XPR1: variants seen among roughly 807,000 people sequenced by gnomAD.
XPR1 encodes solute carrier family 53 member 1.
A neutral mutation model predicts 87.5 loss-of-function variants in XPR1; 28 were observed. The ratio of observed to expected loss-of-function variants is 0.32; its 90% CI spans 0.24 to 0.44. XPR1 has a LOEUF of 0.44. XPR1 is among the 20% of genes least tolerant of loss of function. The pLI, the probability that XPR1 is intolerant of heterozygous loss-of-function variation, is 1.00. For missense variants in XPR1, 559 were observed against 862.3 expected (o/e 0.65, Z 4.41); for synonymous variants, 300 against 306.1 (o/e 0.98, Z 0.21).
At chr1:180,655,854 A>G (rs796446375) in intron 1 of XPR1, among the ~76,000 whole-genome samples, 6 of 151,904 alleles carry the variant, frequency 3.9e-5, no homozygotes, top group Non-Finnish European at 8.8e-5. Context: ...AGGTGTATAT[A>G]TTTATGGAGT....
intron 2 of XPR1, among the ~76,000 whole-genome samples, chr1:180,761,317 ATCAGAG>A (rs1197024962): frequency 6.6e-6 from 1 of 152,062 alleles, no homozygotes; most frequent in Non-Finnish European, 1.5e-5. Context: ...AGAAACTACC[ATCAGAG>A]TGAACAGGCA....
intron 12 of XPR1, among the ~76,000 whole-genome samples, chr1:180,872,402 G>A (rs1417931845): frequency 1.8e-4 from 1 of 5,642 alleles, no homozygotes; most frequent in Non-Finnish European, 4.2e-4. Flanking sequence ...AATGGCGGGC[G>A]CCCCTCCCCC....
chr1:180,784,295 A>G (rs577854227), intron 2 of XPR1, among the ~76,000 whole-genome samples: 1 of 152,098 alleles, frequency 6.6e-6, no homozygotes, highest in Non-Finnish European at 1.5e-5. Flanking sequence ...GAAAAGCTAT[A>G]TTTCCTTTTT....
chr1:180,847,442 G>A (rs1469185298), intron 11 of XPR1, among the ~76,000 whole-genome samples: 4 of 152,102 alleles, frequency 2.6e-5, no homozygotes, highest in Non-Finnish European at 1.5e-5. Flanking sequence ...TAGAATGTGG[G>A]CTTTGGAGTT....
At chr1:180,747,162 A>C (rs984922614) in intron 2 of XPR1, among the ~76,000 whole-genome samples, 1 of 152,204 alleles carries the variant, frequency 6.6e-6, no homozygotes, top group South Asian at 2.1e-4. Context: ...AAAGAAGCTA[A>C]GTGTTATTCA....
At chr1:180,641,064 A>G (rs1051597947) in intron 1 of XPR1, among the ~76,000 whole-genome samples, 1 of 152,182 alleles carries the variant, frequency 6.6e-6, no homozygotes, top group Non-Finnish European at 1.5e-5. Flanking sequence ...AACACATAGA[A>G]AAAAACTCTG....
chr1:180,701,793 T>C lies in XPR1; in HGVS notation c.121+19382T>C, dbSNP rs1214703540. On this transcript the variant is annotated intron_variant, in intron 2 of 14. Coordinates refer to ENST00000367590, the MANE Select transcript of XPR1 (RefSeq NM_004736.4). Reference sequence around the variant, plus strand: ...ATTGGAATAGTTTCAGAAGGAATGGTACTAGTTCCTCCTCGTATTTGATTC... The same window carrying C: ...ATTGGAATAGTTTCAGAAGGAATGGCACTAGTTCCTCCTCGTATTTGATTC... Among the ~76,000 whole-genome samples the C allele has an allele frequency of 1.4e-5, 2 of 142,550 alleles. 1 individual carries two copies. 93.5% of individuals were successfully genotyped at this position (142,550 alleles called of 152,430 possible).
chr1:180,665,234 A>T (rs183283037), intron 1 of XPR1, among the ~76,000 whole-genome samples: 3 of 152,292 alleles, frequency 2.0e-5, no homozygotes, highest in East Asian at 1.9e-4. Flanking sequence ...ATCAGACCTC[A>T]TGAGACTCAC....
chr1:180,666,355 T>C (rs1557947139), intron 1 of XPR1, among the ~76,000 whole-genome samples: 1 of 152,212 alleles, frequency 6.6e-6, no homozygotes, highest in Admixed American at 6.5e-5. Context: ...GGTACTGGAC[T>C]GAATTGTAGA....
intron 3 of XPR1, among the ~76,000 whole-genome samples, chr1:180,791,657 C>CTA (rs1380185543): frequency 6.6e-6 from 1 of 152,124 alleles, no homozygotes; most frequent in Non-Finnish European, 1.5e-5. Flanking sequence ...TTGTATGCAT[C>CTA]TATATGTGTG....
At chr1:180,685,171 A>C (rs1348313292) in intron 2 of XPR1, among the ~76,000 whole-genome samples, 1 of 152,064 alleles carries the variant, frequency 6.6e-6, no homozygotes, top group Non-Finnish European at 1.5e-5. Flanking sequence ...TCAATACCTA[A>C]TTTATTGAGA....
intron 9 of XPR1, among the ~76,000 whole-genome samples, chr1:180,831,288 T>G (rs758787239): frequency 5.9e-5 from 9 of 152,236 alleles, no homozygotes; most frequent in African/African-American, 2.2e-4. Flanking sequence ...CTCTCAGTGC[T>G]TCTATCTTTT....
intron 2 of XPR1, among the ~76,000 whole-genome samples, chr1:180,714,836 GT>G (rs1657933584): frequency 6.8e-6 from 1 of 146,344 alleles, no homozygotes; most frequent in South Asian, 2.1e-4. Flanking sequence ...CTTTTCTGTT[GT>G]TTGGCAATTT....
intron 11 of XPR1, among the ~76,000 whole-genome samples, chr1:180,856,944 T>A (rs1462718790): frequency 2.0e-5 from 3 of 152,106 alleles, no homozygotes; most frequent in Non-Finnish European, 2.9e-5. Flanking sequence ...CTAATCTAAA[T>A]CGAAATGTGC....
intron 7 of XPR1, among the ~76,000 whole-genome samples, chr1:180,814,340 A>G (rs1051572993): frequency 2.0e-5 from 3 of 152,172 alleles, no homozygotes; most frequent in African/African-American, 7.2e-5. Context: ...ATCTGGTTCT[A>G]TTTCCTTAGG....
chr1:180,708,698 AT>A (rs1172817601), intron 2 of XPR1, among the ~76,000 whole-genome samples: 3 of 152,024 alleles, frequency 2.0e-5, no homozygotes, highest in Admixed American at 6.5e-5. Flanking sequence ...TATTTTTTGA[AT>A]GTTTTATTTG....
chr1:180,639,503 C>T (rs1654898225), intron 1 of XPR1, among the ~76,000 whole-genome samples: 5 of 152,070 alleles, frequency 3.3e-5, no homozygotes, highest in Admixed American at 2.6e-4. Context: ...TCCTAAAATC[C>T]AGTTCTATCA....
intron 1 of XPR1, among the ~76,000 whole-genome samples, chr1:180,656,490 TTATATATTATATATAA>T (rs1295366069): frequency 0.22 from 2,320 of 10,774 alleles, 834 homozygotes; most frequent in African/African-American, 0.49. Flanking sequence ...TATATAATAT[TTATATATTATATATAA>T]TATTTATATA....
chr1:180,686,422 T>C (rs1349858830), intron 2 of XPR1, among the ~76,000 whole-genome samples: 1 of 152,184 alleles, frequency 6.6e-6, no homozygotes, highest in Non-Finnish European at 1.5e-5. Context: ...TGGTCAGTTT[T>C]GGAGTAGGTG....
Sources: allele counts gnomAD v4.1 joint callset (sites outside exome capture counted in the v4.1 genomes callset), GRCh38; gene constraint gnomAD v4.1.1; transcripts MANE v1.5; gene names NCBI Gene and HGNC (gene_info 2026-07-23, HGNC 2026-07-21).